OR10H1: variants seen among roughly 807,000 people sequenced by gnomAD.
The protein encoded by OR10H1 is olfactory receptor 10H1.
Under a neutral mutation model 13.1 loss-of-function variants are expected in OR10H1, and 12 were observed. The observed-to-expected ratio is 0.92, with a 90% CI of 0.59 to 1.48. The LOEUF (loss-of-function observed/expected upper bound fraction) is 1.48. Among genes scored for constraint, OR10H1 ranks in the 40% most tolerant of loss-of-function variants. The pLI is 0.00. For synonymous variants in OR10H1, 168 were observed against 175.6 expected (o/e 0.96, Z 0.34); for missense variants, 363 against 413.1 (o/e 0.88, Z 1.05).
At chr19:15,810,465 G>A (rs892937804) in intron 2 of OR10H1, among the ~76,000 whole-genome samples, 2 of 151,050 alleles carry the variant, frequency 1.3e-5, no homozygotes, top group African/African-American at 2.4e-5. Flanking sequence ...GCATGCAATT[G>A]TAACAGTATT....
At position 15,807,158 on chromosome 19, in the gene OR10H1, T is replaced by C. The variant is rs563985012; in HGVS notation, c.880A>G (p.Arg294Gly). The C allele has an allele frequency of 1.9e-6, 3 of 1,614,154 alleles. No individual in the cohort carries two copies. In the East Asian group the frequency reaches 6.7e-5, roughly 36 times the overall value. Residue 294 changes from arginine to glycine, a missense_variant, in exon 4 of 4, where the codon AGG becomes GGG. Coordinates refer to ENST00000641419, the MANE Select transcript of OR10H1 (RefSeq NM_013940.4). ...ATGGCGACCTTCAGCTCCTTGTTCCTGAGGCTGAAGATGATGGGGCTGAGG... is the reference window on the plus strand; with the variant it reads ...ATGGCGACCTTCAGCTCCTTGTTCCCGAGGCTGAAGATGATGGGGCTGAGG... ...PFLSPIIFSL[R>G]NKELKVAMKK...
intron 3 of OR10H1, among the ~76,000 whole-genome samples, chr19:15,808,458 G>A (rs1371458234): frequency 6.6e-6 from 1 of 152,120 alleles, no homozygotes; most frequent in East Asian, 1.9e-4. Context: ...AGGCTAAGGG[G>A]GAAGGACGGC....
At chr19:15,814,782 G>A (rs973596305) in intron 1 of OR10H1, among the ~76,000 whole-genome samples, 1 of 152,166 alleles carries the variant, frequency 6.6e-6, no homozygotes, top group African/African-American at 2.4e-5. Context: ...TGGGATTGCA[G>A]GCATGAGCCA....
rs1215437696 is a variant in OR10H1, at chr19:15,805,314, C to T, written c.*1767G>A. 3 of 151,908 alleles carry T rather than the reference C, an allele frequency of 2.0e-5. No individual in the cohort carries two copies. Among genetic ancestry groups the T allele is most frequent in the African/African-American group, 4.8e-5 (2 of 41,392 alleles). 9.4% of individuals were successfully genotyped at this position (151,908 alleles called of 1,614,324 possible). A position where few individuals can be genotyped will look rare whatever the true frequency, so the allele number is the denominator to read the frequency against. On this transcript the variant is annotated 3_prime_UTR_variant, in exon 4 of 4. Transcript: ENST00000641419. ...GACTGCTTGAATGATGGAGAATTCA[C>T]ACTTTAGAAAAAAATGATGCATAGC...
chr19:15,810,729 C>T (rs558451574), intron 2 of OR10H1, among the ~76,000 whole-genome samples: 2 of 152,096 alleles, frequency 1.3e-5, no homozygotes, highest in South Asian at 2.1e-4. Context: ...AAAATTATTA[C>T]CTTTGTCTGG....
chr19:15,815,601 T>C lies in OR10H1; in HGVS notation c.-824A>G, dbSNP rs920566853. ...TCTGCTTCATCCCAGTAGGAGGCTC[T>C]AGTTTGGAGTTTCTCCACAGGTGGG... On this transcript the variant is annotated 5_prime_UTR_variant, in exon 1 of 4. Transcript: ENST00000641419. The C allele has an allele frequency of 1.3e-5, 2 of 152,420 alleles. No individual in the cohort carries two copies. The highest frequency in any genetic ancestry group is 4.8e-5 in the African/African-American group (2 of 41,594). 9.4% of individuals were successfully genotyped at this position (152,420 alleles called of 1,614,324 possible).
At chr19:15,814,709 T>C (rs1224613023) in intron 1 of OR10H1, among the ~76,000 whole-genome samples, 2 of 152,072 alleles carry the variant, frequency 1.3e-5, no homozygotes, top group African/African-American at 4.8e-5. Flanking sequence ...CTCACTATGC[T>C]GCCCAGGCTG....
chr19:15,806,991 T>C lies in OR10H1; in HGVS notation c.*90A>G, dbSNP rs1473145188. ...ATCCGCCTGCCTCGGCCTCCCAAAG[T>C]GCTGGGATTACAGGCATGAGTCACC... is the stretch of plus-strand genomic sequence containing the variant. On this transcript the variant is annotated 3_prime_UTR_variant, in exon 4 of 4. Coordinates refer to ENST00000641419, the MANE Select transcript of OR10H1 (RefSeq NM_013940.4). The C allele has an allele frequency of 3.2e-6, 4 of 1,252,878 alleles. No homozygotes were observed. The South Asian group carries it at 4.2e-5, about 13-fold the overall frequency. 77.6% of individuals were successfully genotyped at this position (1,252,878 alleles called of 1,614,324 possible).
At chr19:15,814,445 T>TTTGTG (rs1029205117) in intron 1 of OR10H1, among the ~76,000 whole-genome samples, 2 of 101,968 alleles carry the variant, frequency 2.0e-5, no homozygotes, top group South Asian at 9.0e-4. Flanking sequence ...GACGCCTCCC[T>TTTGTG]TGTGTGTGTG....
At chr19:15,810,792 G>A (rs1438581732) in intron 2 of OR10H1, among the ~76,000 whole-genome samples, 1 of 151,776 alleles carries the variant, frequency 6.6e-6, no homozygotes, top group Non-Finnish European at 1.5e-5. Context: ...TGATGCCACT[G>A]AATTGTATAC....
Position 15,805,854 on chromosome 19 carries a change from AC to A in OR10H1, c.*1226del, listed in dbSNP as rs1207985234. The stretch of plus-strand genomic sequence containing the variant: ...CTTCTAACACAGCATTCGGTATCTC[AC>A]AGTGTGACTTTTTTCCTTGATCCAA... On this transcript the variant is annotated 3_prime_UTR_variant, in exon 4 of 4. Transcript: ENST00000641419. 1.7e-5 allele frequency: 1 copy of A among 58,194 alleles called. No homozygotes were observed. The highest frequency in any genetic ancestry group is 1.0e-4 in the African/African-American group (1 of 9,838). The allele number at this position is 58,194 out of a possible 1,614,324, so 3.6% of individuals were successfully genotyped here. A position where few individuals can be genotyped will look rare whatever the true frequency, so the allele number is the denominator to read the frequency against.
chr19:15,807,168 G>A lies in OR10H1; in HGVS notation c.870C>T (p.Ile290=). Residue 290 remains isoleucine, a synonymous_variant, in exon 4 of 4, where the codon ATC becomes ATT. Coordinates refer to ENST00000641419, the MANE Select transcript of OR10H1 (RefSeq NM_013940.4). ...TVLTPFLSPI[I]FSLRNKELKV... Reference sequence around the variant, plus strand: ...TCAGCTCCTTGTTCCTGAGGCTGAAGATGATGGGGCTGAGGAAGGGTGTGA... The same window carrying A: ...TCAGCTCCTTGTTCCTGAGGCTGAAAATGATGGGGCTGAGGAAGGGTGTGA... The A allele has an allele frequency of 1.2e-6, 2 of 1,614,170 alleles. No homozygotes were observed. Among genetic ancestry groups the A allele is most frequent in the Non-Finnish European group, 1.7e-6 (2 of 1,180,030 alleles).
At chr19:15,814,480 T>TGAGA (rs58307648) in intron 1 of OR10H1, among the ~76,000 whole-genome samples, 17 of 68,026 alleles carry the variant, frequency 2.5e-4, no homozygotes, top group South Asian at 5.7e-4. Context: ...TGTGTGTGTG[T>TGAGA]GAGAGAGAGA....
At position 15,806,606 on chromosome 19, in the gene OR10H1, C is replaced by CTA. The variant is rs1365831394; in HGVS notation, c.*473_*474dup. Reference sequence around the variant, plus strand: ...AAGTTTTTGTAGATATGCAGTCTTGCTATGTTGTCAAGTCTAGTCTTGAAC... The same window carrying CTA: ...AAGTTTTTGTAGATATGCAGTCTTGCTATATGTTGTCAAGTCTAGTCTTGAAC... On this transcript the variant is annotated 3_prime_UTR_variant, in exon 4 of 4. Transcript: ENST00000641419. 1 of 159,644 alleles carries CTA rather than the reference C, an allele frequency of 6.3e-6. No individual in the cohort carries two copies. Among genetic ancestry groups the CTA allele is most frequent in the African/African-American group, 2.4e-5 (1 of 41,476 alleles). The allele number at this position is 159,644 out of a possible 1,614,324, so 9.9% of individuals were successfully genotyped here.
At chr19:15,808,666 A>G (rs933567609) in intron 3 of OR10H1, 59 bp downstream of exon 3, 2 of 152,474 alleles carry the variant, frequency 1.3e-5, no homozygotes, top group Non-Finnish European at 2.9e-5. Flanking sequence ...CCTGGCCAAA[A>G]TGGTGAAACC....
intron 1 of OR10H1, among the ~76,000 whole-genome samples, chr19:15,813,617 C>CAG (rs370445499): frequency 0.022 from 2,582 of 119,910 alleles, 113 homozygotes; most frequent in African/African-American, 0.082. Context: ...AGAGCACACA[C>CAG]AGAGAGAGAG....
rs1168092810 is a variant in OR10H1 at position 15,807,200 on chromosome 19, T to G, written c.838A>C (p.Thr280Pro). ...EGDTLMGITY[T>P]VLTPFLSPII... ...GGGCTGAGGAAGGGTGTGAGGACCG[T>G]GTAGGTGATGCCCATCAAGGTGTCT... is the stretch of plus-strand genomic sequence containing the variant. Residue 280 changes from threonine to proline, a missense_variant, in exon 4 of 4, where the codon ACG (threonine) becomes CCG (proline). This residue lies in a region of OR10H1 where 318 missense variants were observed against 366.6 expected (regional missense o/e 0.87). Coordinates refer to ENST00000641419, the MANE Select transcript of OR10H1 (RefSeq NM_013940.4). 7.4e-6 allele frequency: 12 copies of G among 1,613,942 alleles called. No individual in the cohort carries two copies. Among genetic ancestry groups the G allele is most frequent in the Non-Finnish European group, 1.0e-5 (12 of 1,180,002 alleles).
In OR10H1 at chr19:15,807,445, T is replaced by C; in HGVS notation, c.593A>G (p.Lys198Arg). The C allele has an allele frequency of 6.2e-7, 1 of 1,614,184 alleles. No homozygotes were observed. ...CGTGATACACACCAAGCCCACGCCT[T>C]TGGCCACCACCAGCACATCGTCTCC... ...ACGDDVLVVAKGVGLVCITAL... is the reference protein window; with the variant it reads ...ACGDDVLVVARGVGLVCITAL... Residue 198 changes from lysine (K) to arginine (R), a missense_variant, in exon 4 of 4, where the codon AAA becomes AGA. Lys to Arg is a conservative substitution (Grantham distance 26, BLOSUM62 2). Transcript: ENST00000641419.
intron 3 of OR10H1, 95 bp from the exon 4 acceptor site, chr19:15,808,143 A>C: frequency 9.7e-7 from 1 of 1,029,932 alleles, no homozygotes; most frequent in Non-Finnish European, 1.5e-6. Flanking sequence ...ACTGCTCTTG[A>C]TAAATGGTTT....
Sources: allele counts gnomAD v4.1 joint callset (sites outside exome capture counted in the v4.1 genomes callset), GRCh38; gene constraint gnomAD v4.1.1; regional missense constraint gnomAD v4.1.1; transcripts MANE v1.5; gene names NCBI Gene and HGNC (gene_info 2026-07-23, HGNC 2026-07-21).